Variants in STX18 observed in about 807,000 individuals in gnomAD.
STX18 encodes syntaxin-18.
STX18 carries 40 observed loss-of-function variants against 50.1 expected under a neutral mutation model. The observed-to-expected ratio is 0.80, with a 90% CI of 0.62 to 1.04. The LOEUF is 1.04. Ranked by LOEUF, STX18 falls within the 50% of genes least tolerant of loss-of-function variation. STX18 has a pLI of 0.00. For missense variants in STX18, 410 were observed against 415.8 expected, an observed-to-expected ratio of 0.99 and a Z score of 0.12; for synonymous variants, 158 against 151.8, an observed-to-expected ratio of 1.04 and a Z score of -0.30.
intron 1 of STX18, among the ~76,000 whole-genome samples, chr4:4,501,577 C>T (rs543736119): frequency 1.3e-5 from 2 of 152,244 alleles, no homozygotes; most frequent in African/African-American, 4.8e-5. Context: ...GACTGTTTTG[C>T]GTTCTAACAT....
At chr4:4,542,185 C>A (rs746948146), upstream of STX18, 2 of 514,408 alleles carry the variant, frequency 3.9e-6, no homozygotes, top group Non-Finnish European at 6.6e-6. Flanking sequence ...CCTCGCGACG[C>A]GCTCTCGGGC....
intron 1 of STX18, among the ~76,000 whole-genome samples, chr4:4,484,024 G>C (rs1323067237): frequency 1.3e-5 from 2 of 151,748 alleles, no homozygotes; most frequent in African/African-American, 4.9e-5. Context: ...ACCATGCCCA[G>C]CTAATTTTTT....
At chr4:4,434,909 G>T in intron 6 of STX18, 51 bp from the exon 7 acceptor site, 1 of 1,321,226 alleles carries the variant, frequency 7.6e-7, no homozygotes, top group Non-Finnish European at 1.1e-6. Flanking sequence ...TTTTAGAATA[G>T]GCTGGCTTAG....
At chr4:4,421,316 G>C (rs982828642) in intron 9 of STX18, among the ~76,000 whole-genome samples, 12 of 149,622 alleles carry the variant, frequency 8.0e-5, no homozygotes, top group Non-Finnish European at 1.0e-4. Flanking sequence ...CAAGTGGCAG[G>C]ACTGAGACTT....
intron 5 of STX18, among the ~76,000 whole-genome samples, chr4:4,444,443 C>A (rs1303151158): frequency 2.6e-5 from 4 of 152,114 alleles, no homozygotes. Context: ...TCACTGACCC[C>A]CAATGAAAAC....
At chr4:4,439,481 TACAC>T (rs377551677) in intron 5 of STX18, among the ~76,000 whole-genome samples, 227 of 121,042 alleles carry the variant, frequency 1.9e-3, no homozygotes, top group African/African-American at 6.9e-3. Context: ...CATATATACA[TACAC>T]ACACACACTC....
intron 7 of STX18, among the ~76,000 whole-genome samples, chr4:4,431,694 T>C (rs1194899306): frequency 6.6e-6 from 1 of 152,114 alleles, no homozygotes; most frequent in Non-Finnish European, 1.5e-5. Context: ...ATTCATCATC[T>C]CCTGCTCAGC....
chr4:4,443,394 A>C (rs1439973089), intron 5 of STX18, among the ~76,000 whole-genome samples: 4 of 152,260 alleles, frequency 2.6e-5, no homozygotes, highest in Non-Finnish European at 5.9e-5. Flanking sequence ...CATGTATAGA[A>C]GGGATATTCC....
At chr4:4,495,876 A>G (rs1295919629) in intron 1 of STX18, among the ~76,000 whole-genome samples, 1 of 152,206 alleles carries the variant, frequency 6.6e-6, no homozygotes, top group Non-Finnish European at 1.5e-5. Context: ...AGAATAGCAG[A>G]GCAGTGGTAC....
At chr4:4,472,553 G>T (rs1366717105) in intron 1 of STX18, among the ~76,000 whole-genome samples, 1 of 152,202 alleles carries the variant, frequency 6.6e-6, no homozygotes, top group Non-Finnish European at 1.5e-5. Flanking sequence ...CTCTTCCATG[G>T]AAGTTTTTCT....
chr4:4,481,639 G>A (rs912793585), intron 1 of STX18: 12 of 152,138 alleles, frequency 7.9e-5, no homozygotes, highest in African/African-American at 1.9e-4. Context: ...ACTAAATTCC[G>A]AGTCTAACTC....
At chr4:4,496,256 A>G (rs1271713773) in intron 1 of STX18, among the ~76,000 whole-genome samples, 1 of 152,180 alleles carries the variant, frequency 6.6e-6, no homozygotes, top group Non-Finnish European at 1.5e-5. Context: ...AGGCCTAGGC[A>G]GCAGGATGAA....
chr4:4,482,280 C>T (rs982188236), intron 1 of STX18, among the ~76,000 whole-genome samples: 7 of 152,144 alleles, frequency 4.6e-5, no homozygotes, highest in Non-Finnish European at 7.3e-5. Flanking sequence ...TCCACCCAGC[C>T]GCTGCCTCCC....
At chr4:4,503,877 A>T (rs1729574041) in intron 1 of STX18, among the ~76,000 whole-genome samples, 1 of 152,224 alleles carries the variant, frequency 6.6e-6, no homozygotes, top group Non-Finnish European at 1.5e-5. Context: ...CTTCCACTTT[A>T]AAATGTCAAG....
At chr4:4,511,330 T>C (rs149813765) in intron 1 of STX18, among the ~76,000 whole-genome samples, 2 of 152,362 alleles carry the variant, frequency 1.3e-5, no homozygotes, top group East Asian at 1.9e-4. Context: ...CAATGCTTTA[T>C]CAAGGACTTC....
intron 1 of STX18, among the ~76,000 whole-genome samples, chr4:4,528,580 G>A (rs1161579627): frequency 7.9e-5 from 12 of 152,266 alleles, no homozygotes; most frequent in African/African-American, 1.4e-4. Context: ...ACCTCTTTTC[G>A]TTATAAATTA....
At chr4:4,442,803 T>TAAAAA (rs71169645) in intron 5 of STX18, among the ~76,000 whole-genome samples, 1 of 100,622 alleles carries the variant, frequency 9.9e-6, no homozygotes, top group Non-Finnish European at 2.2e-5. Flanking sequence ...ACAAGTTTAT[T>TAAAAA]AAAAAAAAAA....
At chr4:4,490,499 A>G (rs1577369740) in intron 1 of STX18, among the ~76,000 whole-genome samples, 2 of 152,334 alleles carry the variant, frequency 1.3e-5, no homozygotes, top group East Asian at 3.9e-4. Flanking sequence ...ATAATTACAT[A>G]AACTGAAACG....
At position 4,455,659 on chromosome 4, in the gene STX18, G is replaced by A. The variant is rs936766103; in HGVS notation, c.497+1532C>T. On this transcript the variant is annotated intron_variant, in intron 5 of 10. Transcript: ENST00000306200. Reference sequence around the variant, plus strand: ...TTTCCTCCTGGGAGTCTAGAGTTTCGGTAGATGCCAGGTGTGAGGTGCCTA... The same window carrying A: ...TTTCCTCCTGGGAGTCTAGAGTTTCAGTAGATGCCAGGTGTGAGGTGCCTA... Among the ~76,000 whole-genome samples the A allele has an allele frequency of 4.6e-5, 7 of 152,268 alleles. No homozygotes were observed. The East Asian group carries it at 7.7e-4, about 17-fold the overall frequency.
Sources: gnomAD v4.1 joint callset for allele counts (sites outside exome capture counted in the v4.1 genomes callset) on GRCh38, gnomAD v4.1.1 for gene constraint, MANE v1.5 for transcripts, NCBI Gene and HGNC (gene_info 2026-07-23, HGNC 2026-07-21) for gene names.